Variants in PKNOX2 observed in about 807,000 individuals in gnomAD.
PKNOX2 encodes homeobox protein PKNOX2.
In PKNOX2, 14 loss-of-function variants were observed where a neutral mutation model predicts 53.1. The observed-to-expected ratio is 0.26, with a 90% CI of 0.17 to 0.41. PKNOX2 has a LOEUF of 0.41. Among genes scored for constraint, PKNOX2 ranks in the 10% least tolerant of loss-of-function variants. The pLI is 1.00. For synonymous variants in PKNOX2, 257 were observed against 242.8 expected (o/e 1.06, Z -0.54); for missense variants, 496 against 602.8 (o/e 0.82, Z 1.85).
chr11:125,373,466 G>T (rs1170873450), intron 5 of PKNOX2, among the ~76,000 whole-genome samples: 1 of 152,166 alleles, frequency 6.6e-6, no homozygotes, highest in Non-Finnish European at 1.5e-5. Flanking sequence ...TGTAAAATGG[G>T]GCTAAAAATA....
chr11:125,387,352 G>C (rs1386748019), intron 6 of PKNOX2, among the ~76,000 whole-genome samples: 2 of 152,156 alleles, frequency 1.3e-5, no homozygotes, highest in African/African-American at 4.8e-5. Context: ...AAGTAAACTG[G>C]GTAGCTAATG....
chr11:125,340,605 G>T (rs1015115902), intron 3 of PKNOX2, among the ~76,000 whole-genome samples: 5 of 152,190 alleles, frequency 3.3e-5, no homozygotes, highest in African/African-American at 1.2e-4. Context: ...CACAGGGACG[G>T]CTCAGTAAGT....
At chr11:125,216,999 T>A (rs906574770) in intron 1 of PKNOX2, among the ~76,000 whole-genome samples, 2 of 140,364 alleles carry the variant, frequency 1.4e-5, no homozygotes, top group African/African-American at 5.3e-5. Flanking sequence ...AGTTTCCCCA[T>A]CCCCTCAAAA....
intron 1 of PKNOX2, among the ~76,000 whole-genome samples, chr11:125,179,634 C>T (rs1006040932): frequency 6.6e-6 from 1 of 151,842 alleles, no homozygotes; most frequent in African/African-American, 2.4e-5. Context: ...TGCGAGAGAA[C>T]CCCTGGAGTC....
At chr11:125,227,583 C>A (rs949220782) in intron 1 of PKNOX2, among the ~76,000 whole-genome samples, 3 of 152,156 alleles carry the variant, frequency 2.0e-5, no homozygotes, top group Admixed American at 1.3e-4. Context: ...GAATCATATT[C>A]CATTGGATGT....
intron 2 of PKNOX2, among the ~76,000 whole-genome samples, chr11:125,279,334 G>A (rs1591510294): frequency 6.6e-6 from 1 of 152,318 alleles, no homozygotes; most frequent in East Asian, 1.9e-4. Context: ...CCTGCACTCA[G>A]CCCTGCTTCC....
chr11:125,227,418 T>C (rs1406789260), intron 1 of PKNOX2, among the ~76,000 whole-genome samples: 3 of 152,224 alleles, frequency 2.0e-5, no homozygotes, highest in Admixed American at 6.5e-5. Flanking sequence ...ACTAGTCTAC[T>C]TTCTATCTCT....
chr11:125,218,413 G>A (rs1053237144), intron 1 of PKNOX2, among the ~76,000 whole-genome samples: 2 of 150,924 alleles, frequency 1.3e-5, no homozygotes, highest in Non-Finnish European at 2.9e-5. Flanking sequence ...GTGATGGGGG[G>A]GGGACAGGAA....
chr11:125,407,265 A>G (rs1013658272), intron 7 of PKNOX2, among the ~76,000 whole-genome samples: 18 of 152,218 alleles, frequency 1.2e-4, no homozygotes, highest in Admixed American at 4.6e-4. Context: ...CATGGAGGGT[A>G]TCCAAGCCAC....
chr11:125,189,433 GT>G (rs2135331388), intron 1 of PKNOX2, among the ~76,000 whole-genome samples: 1 of 79,186 alleles, frequency 1.3e-5, no homozygotes, highest in South Asian at 4.4e-4. Context: ...GTGTGTGTGT[GT>G]GTGTGTGTGT....
At chr11:125,251,938 C>T (rs1565479820) in intron 2 of PKNOX2, among the ~76,000 whole-genome samples, 1 of 151,862 alleles carries the variant, frequency 6.6e-6, no homozygotes, top group East Asian at 1.9e-4. Context: ...GTCATTCATT[C>T]AACACCTGTC....
chr11:125,358,461 T>C (rs1211133863), intron 4 of PKNOX2, among the ~76,000 whole-genome samples: 1 of 152,224 alleles, frequency 6.6e-6, no homozygotes, highest in Non-Finnish European at 1.5e-5. Context: ...CTCCTGTCAG[T>C]GACAGCCCAG....
At chr11:125,408,145 C>T (rs990638104) in intron 7 of PKNOX2, among the ~76,000 whole-genome samples, 2 of 152,204 alleles carry the variant, frequency 1.3e-5, no homozygotes, top group Non-Finnish European at 2.9e-5. Context: ...AGTCCTCTGG[C>T]TGCTAACGGG....
chr11:125,253,916 C>A (rs11219993), intron 2 of PKNOX2, among the ~76,000 whole-genome samples: 86,203 of 151,690 alleles, frequency 0.57, 24,759 homozygotes, highest in East Asian at 0.7. Context: ...CAGGAACACA[C>A]ATCTCTCTGC....
Position 125,422,773 on chromosome 11 carries a change from A to C in PKNOX2, c.937-6239A>C, listed in dbSNP as rs913623940. On this transcript the variant is annotated intron_variant, in intron 10 of 12. Coordinates refer to ENST00000298282, the MANE Select transcript of PKNOX2 (RefSeq NM_001382323.2). This position sits in a 1 kb window ranked among gnomAD's most constrained non-coding sequence, Gnocchi z 4.1. The stretch of plus-strand genomic sequence containing the variant: ...CACAGCATTCCCCAAGAAGCTTAAG[A>C]CTCAGGTTAGGATAAAATGTCCCCA... Among the ~76,000 whole-genome samples the C allele has an allele frequency of 1.3e-5, 2 of 152,128 alleles. No individual in the cohort carries two copies. The highest frequency in any genetic ancestry group is 2.9e-5 in the Non-Finnish European group (2 of 68,032).
intron 1 of PKNOX2, among the ~76,000 whole-genome samples, chr11:125,206,800 G>A (rs1316267212): frequency 6.6e-6 from 1 of 152,056 alleles, no homozygotes; most frequent in African/African-American, 2.4e-5. Flanking sequence ...GCCAGCATTA[G>A]CATGAAGGGA....
chr11:125,340,282 A>G (rs935345215), intron 3 of PKNOX2, among the ~76,000 whole-genome samples: 4 of 152,180 alleles, frequency 2.6e-5, no homozygotes, highest in Non-Finnish European at 4.4e-5. Context: ...AGGGCATAGG[A>G]AAGTCAAAGG....
In PKNOX2 at chr11:125,273,087, G is replaced by A. The variant is rs752870269; in HGVS notation, c.-130+37972G>A. On this transcript the variant is annotated intron_variant, in intron 2 of 12. Transcript: ENST00000298282. ...CCCGCCCAGTCCAGGGTGAGAGGCCGCTTGTCAGGCCCGGAGAGACTGGCT... is the reference window on the plus strand; with the variant it reads ...CCCGCCCAGTCCAGGGTGAGAGGCCACTTGTCAGGCCCGGAGAGACTGGCT... 3.9e-5 allele frequency among the ~76,000 whole-genome samples: 6 copies of A among 152,204 alleles called. No individual in the cohort carries two copies. In the South Asian group the frequency reaches 8.3e-4, roughly 21 times the overall value.
intron 1 of PKNOX2, among the ~76,000 whole-genome samples, chr11:125,180,329 C>T (rs567071990): frequency 6.6e-6 from 1 of 152,192 alleles, no homozygotes; most frequent in South Asian, 2.1e-4. Context: ...TGCTCTAATC[C>T]GGAATAGTAC....
Sources: allele counts gnomAD v4.1 joint callset (sites outside exome capture counted in the v4.1 genomes callset), GRCh38; gene constraint gnomAD v4.1.1; non-coding constraint Gnocchi (gnomAD v3.1); transcripts MANE v1.5; gene names NCBI Gene and HGNC (gene_info 2026-07-23, HGNC 2026-07-21).